The following SYK variants were observed in gnomAD, a reference collection of about 807,000 sequenced individuals.
SYK encodes spleen associated tyrosine kinase.
In SYK, 16 loss-of-function variants were observed where a neutral mutation model predicts 77.8. The ratio of observed to expected loss-of-function variants is 0.21; its 90% CI spans 0.14 to 0.31. SYK has a LOEUF of 0.31. Among genes scored for constraint, SYK ranks in the 10% least tolerant of loss-of-function variants. The pLI is 1.00. For missense variants in SYK, 529 were observed against 814.4 expected (o/e 0.65, Z 4.26); for synonymous variants, 312 against 308.7 (o/e 1.01, Z -0.11).
At position 90,888,644 on chromosome 9, in the gene SYK, G is replaced by T; in HGVS notation, c.1835+17G>T. ...GACATACGAGTGAGTACCTGACACT[G>T]ACTGTGATGTATTCAGATGCTCTGG... On this transcript the variant is annotated intron_variant, in intron 13 of 13. Transcript: ENST00000375754. 1 of 1,539,602 alleles carries T rather than the reference G, an allele frequency of 6.5e-7. No homozygotes were observed. The highest frequency in any genetic ancestry group is 1.2e-5 in the South Asian group (1 of 82,342).
Position 90,897,302 on chromosome 9 carries a change from A to G in SYK, c.*1702A>G, listed in dbSNP as rs200079558. 4.8e-5 allele frequency: 11 copies of G among 230,152 alleles called. No individual in the cohort carries two copies. Among genetic ancestry groups the G allele is most frequent in the African/African-American group, 2.2e-4 (10 of 45,184 alleles). 14.3% of individuals were successfully genotyped at this position (230,152 alleles called of 1,614,324 possible). ...CACGCACACTTTCTGAAATCACACTATCTGGTGGTTTAATCATATTTTTAA... is the reference window on the plus strand; with the variant it reads ...CACGCACACTTTCTGAAATCACACTGTCTGGTGGTTTAATCATATTTTTAA... On this transcript the variant is annotated 3_prime_UTR_variant, in exon 14 of 14. Transcript: ENST00000375754.
At chr9:90,814,103 A>ATTTCTC (rs768285866) in intron 1 of SYK, among the ~76,000 whole-genome samples, 2,786 of 152,300 alleles carry the variant, frequency 0.018, 46 homozygotes, top group Non-Finnish European at 0.031. Context: ...CTCATATTGT[A>ATTTCTC]ATATATCAGA....
intron 1 of SYK, among the ~76,000 whole-genome samples, chr9:90,829,672 T>C (rs1294538126): frequency 6.6e-6 from 1 of 152,254 alleles, no homozygotes; most frequent in Non-Finnish European, 1.5e-5. Context: ...TTCTCTCACA[T>C]GGTGCCTGAC....
At chr9:90,853,163 G>A (rs1005170022) in intron 3 of SYK, among the ~76,000 whole-genome samples, 1 of 150,444 alleles carries the variant, frequency 6.6e-6, no homozygotes, top group East Asian at 1.9e-4. Flanking sequence ...CTTGAATGGT[G>A]GCCACTACTT....
intron 3 of SYK, among the ~76,000 whole-genome samples, chr9:90,849,089 G>A (rs773326513): frequency 3.3e-5 from 5 of 152,236 alleles, no homozygotes; most frequent in Non-Finnish European, 5.9e-5. Context: ...GAGCACTCAC[G>A]GCACTGGGAG....
chr9:90,893,245 C>T (rs1354648315), intron 13 of SYK, among the ~76,000 whole-genome samples: 2 of 152,178 alleles, frequency 1.3e-5, no homozygotes, highest in African/African-American at 4.8e-5. Flanking sequence ...GAGGATATCA[C>T]GTGTATATAT....
At chr9:90,874,414 T>C in intron 8 of SYK, 123 bp downstream of exon 8, 1 of 1,044,002 alleles carries the variant, frequency 9.6e-7, no homozygotes, top group Non-Finnish European at 1.5e-6. Flanking sequence ...CAGTTAGCCA[T>C]GGAAACACTC....
At chr9:90,893,713 T>G (rs140372938) in intron 13 of SYK, among the ~76,000 whole-genome samples, 72 of 152,094 alleles carry the variant, frequency 4.7e-4, no homozygotes, top group African/African-American at 1.7e-3. Flanking sequence ...GAACAGAAAA[T>G]TATGGGGAGG....
chr9:90,852,523 G>A (rs77849242), intron 3 of SYK, among the ~76,000 whole-genome samples: 1 of 152,206 alleles, frequency 6.6e-6, no homozygotes, highest in African/African-American at 2.4e-5. Context: ...AAAGATGGAA[G>A]TATTGTTTCT....
intron 7 of SYK, 131 bp from the exon 8 acceptor site, chr9:90,874,073 T>C: frequency 1.3e-6 from 1 of 758,432 alleles, no homozygotes; most frequent in East Asian, 2.7e-5. Flanking sequence ...TCCCTGTTTT[T>C]CGTAATTCTT....
At chr9:90,891,623 G>C (rs1206110369) in intron 13 of SYK, among the ~76,000 whole-genome samples, 1 of 152,158 alleles carries the variant, frequency 6.6e-6, no homozygotes, top group Non-Finnish European at 1.5e-5. Context: ...TTATTGCAAG[G>C]AAACCTTACA....
intron 1 of SYK, among the ~76,000 whole-genome samples, chr9:90,827,982 T>TA (rs1403276905): frequency 6.6e-6 from 1 of 151,434 alleles, no homozygotes; most frequent in Non-Finnish European, 1.5e-5. Context: ...TGCTAGCGAT[T>TA]TTTTTTAAAT....
chr9:90,874,289 A>G lies in SYK; in HGVS notation c.1001A>G (p.Lys334Arg). The change falls in exon 8 of 14, where the codon AAA becomes AGA. Residue 334 changes from lysine (K) to arginine (R), a missense_variant and splice_region_variant. Coordinates refer to ENST00000375754, the MANE Select transcript of SYK (RefSeq NM_003177.7). ...GAACTTGCACCCTGGGCTGCAGACA[A>G]AGGTGAGACTTCCTTTCATTCAAGG... is the stretch of plus-strand genomic sequence containing the variant. ...EPELAPWAAD[K>R]GPQREALPMD... is the part of the protein sequence containing the mutation. The G allele has an allele frequency of 6.2e-7, 1 of 1,614,114 alleles. No homozygotes were observed. Among genetic ancestry groups the G allele is most frequent in the Non-Finnish European group, 8.5e-7 (1 of 1,179,954 alleles).
chr9:90,859,252 A>G (rs1827158305), intron 3 of SYK, among the ~76,000 whole-genome samples: 1 of 151,884 alleles, frequency 6.6e-6, no homozygotes. Context: ...GGGAGGCACC[A>G]CCTCCTGAAC....
chr9:90,823,517 A>G (rs1218493987), intron 1 of SYK, among the ~76,000 whole-genome samples: 1 of 152,246 alleles, frequency 6.6e-6, no homozygotes, highest in Non-Finnish European at 1.5e-5. Flanking sequence ...AACACATTTG[A>G]AAGACTAAAC....
At chr9:90,824,944 A>G (rs970103332) in intron 1 of SYK, among the ~76,000 whole-genome samples, 15 of 152,190 alleles carry the variant, frequency 9.9e-5, no homozygotes, top group African/African-American at 3.6e-4. Flanking sequence ...CACAGATAAT[A>G]TGCATGTCCA....
chr9:90,867,471 C>T (rs572236230), intron 7 of SYK, among the ~76,000 whole-genome samples: 2 of 152,326 alleles, frequency 1.3e-5, no homozygotes, highest in African/African-American at 4.8e-5. Flanking sequence ...AAAGTCGTTT[C>T]AGTTGGCGTC....
At chr9:90,830,543 C>T (rs79339554) in intron 1 of SYK, among the ~76,000 whole-genome samples, 1 of 151,862 alleles carries the variant, frequency 6.6e-6, no homozygotes, top group Non-Finnish European at 1.5e-5. Context: ...CTGACCAAAC[C>T]AGCAAGATCA....
intron 1 of SYK, 111 bp from the exon 2 acceptor site, chr9:90,843,747 G>C (rs927487733): frequency 2.6e-6 from 2 of 782,764 alleles, no homozygotes; most frequent in Non-Finnish European, 3.7e-6. Flanking sequence ...AAGTGCCTTT[G>C]TTCAGAGATG....
Sources: gnomAD v4.1 joint callset for allele counts (sites outside exome capture counted in the v4.1 genomes callset) on GRCh38, gnomAD v4.1.1 for gene constraint, MANE v1.5 for transcripts, NCBI Gene and HGNC (gene_info 2026-07-23, HGNC 2026-07-21) for gene names.